Variants in MRPS21 observed in about 807,000 individuals in gnomAD.
MRPS21 encodes small ribosomal subunit protein bS21m.
In MRPS21, 8 loss-of-function variants were observed where a neutral mutation model predicts 9.9. The ratio of observed to expected loss-of-function variants is 0.81; its 90% CI spans 0.47 to 1.45. The LOEUF (loss-of-function observed/expected upper bound fraction) is 1.45, where lower values mean the gene tolerates loss of function less well. Ranked by LOEUF, MRPS21 falls within the 40% of genes most tolerant of loss-of-function variation. MRPS21 has a pLI of 0.00. For missense variants in MRPS21, 101 were observed against 118.9 expected (o/e 0.85, Z 0.70); for synonymous variants, 40 against 40.3 (o/e 0.99, Z 0.03).
intron 2 of MRPS21, among the ~76,000 whole-genome samples, chr1:150,299,823 G>A (rs587706941): frequency 2.6e-5 from 4 of 152,016 alleles, no homozygotes; most frequent in Non-Finnish European, 5.9e-5. Context: ...TTCCTGGGTC[G>A]AAGTGTTAAT....
At chr1:150,301,035 TAAA>T (rs71578475) in intron 2 of MRPS21, among the ~76,000 whole-genome samples, 1 of 151,004 alleles carries the variant, frequency 6.6e-6, no homozygotes, top group African/African-American at 2.4e-5. Flanking sequence ...CTGTCTCTAC[TAAA>T]AAAAATACAA....
intron 1 of MRPS21, 80 bp from the exon 2 acceptor site, chr1:150,294,255 T>C (rs782581041): frequency 6.5e-5 from 65 of 994,452 alleles, no homozygotes; most frequent in Non-Finnish European, 8.5e-5. Flanking sequence ...TTCCAAATCC[T>C]AAATAAGCCG....
At chr1:150,295,493 A>T (rs1250142854) in intron 2 of MRPS21, among the ~76,000 whole-genome samples, 9 of 152,212 alleles carry the variant, frequency 5.9e-5, no homozygotes, top group Non-Finnish European at 8.8e-5. Flanking sequence ...TAGAAGACTT[A>T]AAAAAGAGCC....
chr1:150,297,917 A>C (rs1553856860), intron 2 of MRPS21, among the ~76,000 whole-genome samples: 1 of 141,946 alleles, frequency 7.0e-6, no homozygotes, highest in African/African-American at 2.6e-5. Context: ...CTACTTTGCT[A>C]TCTTGGAAGT....
At chr1:150,307,934 C>T (rs1654403133) in intron 2 of MRPS21, 114 bp from the exon 3 acceptor site, 2 of 1,050,718 alleles carry the variant, frequency 1.9e-6, no homozygotes, top group African/African-American at 1.6e-5. Context: ...GCCACCATTT[C>T]CCACTGTATT....
At chr1:150,295,969 T>TAA (rs1653902101) in intron 2 of MRPS21, among the ~76,000 whole-genome samples, 7 of 123,900 alleles carry the variant, frequency 5.6e-5, no homozygotes, top group African/African-American at 2.0e-4. Flanking sequence ...TTTTTTTTTT[T>TAA]TAAAACGGAG....
At chr1:150,295,473 C>G (rs1653882883) in intron 2 of MRPS21, among the ~76,000 whole-genome samples, 1 of 152,110 alleles carries the variant, frequency 6.6e-6, no homozygotes, top group African/African-American at 2.4e-5. Flanking sequence ...TATGAGGAAC[C>G]TGAATTCTTT....
rs587638233 is a variant in MRPS21 at position 150,308,325 on chromosome 1, A to G, written c.*97A>G. The stretch of plus-strand genomic sequence containing the variant: ...CCATTTCCTATTACCATTCTCTGCA[A>G]TAAACTCAAATCACATGTCTGCAAG... On this transcript the variant is annotated 3_prime_UTR_variant, in exon 3 of 3. Transcript: ENST00000614145. 6.0e-4 allele frequency: 759 copies of G among 1,268,954 alleles called. 8 individuals are homozygous for G. Among genetic ancestry groups the G allele is most frequent in the South Asian group, 5.4e-3 (334 of 61,286 alleles). 78.6% of individuals were successfully genotyped at this position (1,268,954 alleles called of 1,614,324 possible).
intron 2 of MRPS21, among the ~76,000 whole-genome samples, chr1:150,306,045 A>T (rs1654320184): frequency 6.6e-6 from 1 of 152,160 alleles, no homozygotes; most frequent in Non-Finnish European, 1.5e-5. Flanking sequence ...GGCAGTTCTG[A>T]TGTGCAGATG....
Position 150,308,174 on chromosome 1 carries a change from C to T in MRPS21, c.210C>T (p.Arg70=), listed in dbSNP as rs782316357. Residue 70 remains arginine (R), a synonymous_variant, in exon 3 of 3, where the codon CGC becomes CGT. Transcript: ENST00000614145. ...CRRIYNMEMA[R]KINFLMRKNR... Reference sequence around the variant, plus strand: ...GGATCTACAACATGGAAATGGCTCGCAAGATCAACTTCTTGATGCGAAAGA... The same window carrying T: ...GGATCTACAACATGGAAATGGCTCGTAAGATCAACTTCTTGATGCGAAAGA... The T allele has an allele frequency of 6.2e-7, 1 of 1,607,762 alleles. No individual in the cohort carries two copies. The highest frequency in any genetic ancestry group is 1.7e-5 in the Admixed American group (1 of 59,930).
intron 2 of MRPS21, among the ~76,000 whole-genome samples, chr1:150,298,602 T>C (rs1553857010): frequency 6.6e-6 from 1 of 151,204 alleles, no homozygotes; most frequent in Admixed American, 6.6e-5. Context: ...GTATTATTTA[T>C]TGAACCACTT....
intron 2 of MRPS21, among the ~76,000 whole-genome samples, chr1:150,307,369 T>TTTTTTTTTTTTTG (rs1654379316): frequency 6.5e-5 from 1 of 15,286 alleles, no homozygotes; most frequent in Non-Finnish European, 1.0e-4. Context: ...TTTTTTTTTT[T>TTTTTTTTTTTTTG]TCCTTTGAGT....
intron 2 of MRPS21, among the ~76,000 whole-genome samples, chr1:150,298,179 C>A (rs782313951): frequency 2.0e-5 from 3 of 152,176 alleles, no homozygotes; most frequent in African/African-American, 7.2e-5. Flanking sequence ...ATGATCCACC[C>A]GCCTTGGCCT....
At chr1:150,306,275 AGTTT>A (rs1165754698) in intron 2 of MRPS21, among the ~76,000 whole-genome samples, 16 of 147,788 alleles carry the variant, frequency 1.1e-4, no homozygotes, top group Admixed American at 9.6e-4. Flanking sequence ...GCCTCCTGTG[AGTTT>A]GTTTTTGTTT....
At chr1:150,306,897 A>G (rs1443827766) in intron 2 of MRPS21, among the ~76,000 whole-genome samples, 1 of 152,152 alleles carries the variant, frequency 6.6e-6, no homozygotes, top group African/African-American at 2.4e-5. Context: ...ATGCCCCATT[A>G]GTTGAGAATC....
intron 2 of MRPS21, among the ~76,000 whole-genome samples, chr1:150,303,256 C>T (rs1654211663): frequency 6.6e-6 from 1 of 152,156 alleles, no homozygotes; most frequent in South Asian, 2.1e-4. Flanking sequence ...TATATTCTCT[C>T]AAATCCAGTC....
At chr1:150,296,405 T>C (rs1428142805) in intron 2 of MRPS21, among the ~76,000 whole-genome samples, 2 of 152,216 alleles carry the variant, frequency 1.3e-5, no homozygotes, top group African/African-American at 2.4e-5. Context: ...CTTGTTGAGT[T>C]GAATTATCAA....
chr1:150,303,138 A>G (rs1350027129), intron 2 of MRPS21, among the ~76,000 whole-genome samples: 1 of 151,858 alleles, frequency 6.6e-6, no homozygotes, highest in African/African-American at 2.4e-5. Flanking sequence ...GTCATACTCA[A>G]CCCCTTCCTC....
At chr1:150,303,951 T>A (rs1553858042) in intron 2 of MRPS21, 1 of 455,702 alleles carries the variant, frequency 2.2e-6, no homozygotes, top group Non-Finnish European at 4.4e-6. Context: ...ACAGATTTGA[T>A]CTCTAACCTT....
Sources: gnomAD v4.1 joint callset for allele counts (sites outside exome capture counted in the v4.1 genomes callset) on GRCh38, gnomAD v4.1.1 for gene constraint, MANE v1.5 for transcripts, NCBI Gene and HGNC (gene_info 2026-07-23, HGNC 2026-07-21) for gene names.